The following MIPOL1 variants were observed in gnomAD, a reference collection of about 807,000 sequenced individuals.
MIPOL1 encodes the protein mirror-image polydactyly gene 1 protein.
MIPOL1 carries 57 observed loss-of-function variants against 60.9 expected under a neutral mutation model. That is an observed-to-expected ratio of 0.94 (90% CI 0.76 to 1.17). MIPOL1 has a LOEUF of 1.17. Ranked by LOEUF, MIPOL1 falls within the 50% of genes most tolerant of loss-of-function variation. The pLI, the probability that MIPOL1 is intolerant of heterozygous loss-of-function variation, is 0.00. For missense variants in MIPOL1, 551 were observed against 511.6 expected (o/e 1.08, Z -0.74); for synonymous variants, 179 against 168.8 (o/e 1.06, Z -0.47).
At chr14:37,201,086 G>A (rs985184472) in intron 1 of MIPOL1, among the ~76,000 whole-genome samples, 2 of 151,304 alleles carry the variant, frequency 1.3e-5, no homozygotes, top group Non-Finnish European at 2.9e-5. Flanking sequence ...ATATTTTTTT[G>A]TGGAGATGGG....
Position 37,496,219 on chromosome 14 carries a change from C to A in MIPOL1, c.1032-3689C>A, listed in dbSNP as rs1163933172. 6.4e-3 allele frequency among the ~76,000 whole-genome samples: 920 copies of A among 144,144 alleles called. 4 individuals carry two copies. The highest frequency in any genetic ancestry group is 0.01 in the Non-Finnish European group (684 of 65,496). The allele number at this position is 144,144 out of a possible 152,430, so 94.6% of individuals were successfully genotyped here. On this transcript the variant is annotated intron_variant, in intron 11 of 12. Transcript: ENST00000684589. ...ATACTGAATGGGCAAAAACTGGAAG[C>A]ATTCCCTTTGAAAACTGGCACAAGA...
In MIPOL1 at chr14:37,547,143, C is replaced by T. The variant is rs781300036; in HGVS notation, c.*172C>T. 1.4e-5 allele frequency: 8 copies of T among 579,306 alleles called. No individual in the cohort carries two copies. Among genetic ancestry groups the T allele is most frequent in the East Asian group, 3.0e-5 (1 of 33,770 alleles). 35.9% of individuals were successfully genotyped at this position (579,306 alleles called of 1,614,324 possible). The stretch of plus-strand genomic sequence containing the variant: ...AAATCACAAATGTTTAACCACTTTG[C>T]TGCTGACTTGAGTTATTTATCCAAA... On this transcript the variant is annotated 3_prime_UTR_variant, in exon 13 of 13. Coordinates refer to ENST00000684589, the MANE Select transcript of MIPOL1 (RefSeq NM_001388067.1).
chr14:37,266,369 A>G (rs557877137), intron 3 of MIPOL1, among the ~76,000 whole-genome samples: 2 of 152,330 alleles, frequency 1.3e-5, no homozygotes, highest in East Asian at 1.9e-4. Context: ...GATGGTCACC[A>G]TGCTAGTTTT....
At chr14:37,330,340 T>G (rs1357088349) in intron 9 of MIPOL1, among the ~76,000 whole-genome samples, 1 of 152,144 alleles carries the variant, frequency 6.6e-6, no homozygotes, top group Non-Finnish European at 1.5e-5. Flanking sequence ...CTACTATAAT[T>G]GTAATCTCAA....
At chr14:37,464,154 G>A (rs887819371) in intron 11 of MIPOL1, among the ~76,000 whole-genome samples, 8 of 152,184 alleles carry the variant, frequency 5.3e-5, no homozygotes, top group South Asian at 2.1e-4. Flanking sequence ...TACACTTTTC[G>A]TGGGAATGTA....
At chr14:37,208,663 G>A (rs1260855598) in intron 1 of MIPOL1, among the ~76,000 whole-genome samples, 1 of 152,090 alleles carries the variant, frequency 6.6e-6, no homozygotes, top group Non-Finnish European at 1.5e-5. Context: ...GCACAGTCTT[G>A]GCTCACTGCA....
intron 11 of MIPOL1, among the ~76,000 whole-genome samples, chr14:37,451,298 A>G (rs1158185250): frequency 1.3e-5 from 2 of 152,110 alleles, no homozygotes. Context: ...GTGCTCAACT[A>G]ACATTTGTGG....
chr14:37,347,396 A>C (rs554176980), intron 9 of MIPOL1, among the ~76,000 whole-genome samples: 4 of 152,338 alleles, frequency 2.6e-5, no homozygotes, highest in Admixed American at 6.5e-5. Context: ...ATACGGCTGA[A>C]GATAGAATCA....
At chr14:37,361,287 G>A (rs2207863) in intron 9 of MIPOL1, among the ~76,000 whole-genome samples, 147,515 of 152,274 alleles carry the variant, frequency 0.97, 71,530 homozygotes, top group East Asian at 1. Context: ...AGAAGAATAT[G>A]TATTCTGTTG....
At chr14:37,336,476 G>A (rs1424912180) in intron 9 of MIPOL1, among the ~76,000 whole-genome samples, 2 of 150,482 alleles carry the variant, frequency 1.3e-5, no homozygotes, top group Admixed American at 6.6e-5. Flanking sequence ...CCCAACAAAG[G>A]CATTCTTTAT....
intron 11 of MIPOL1, among the ~76,000 whole-genome samples, chr14:37,484,255 A>G (rs374235167): frequency 4.7e-5 from 7 of 148,918 alleles, no homozygotes; most frequent in African/African-American, 1.7e-4. Flanking sequence ...GTTTTCAGCC[A>G]TTGTTTCTTT....
At chr14:37,233,331 T>C (rs1321868668) in intron 1 of MIPOL1, among the ~76,000 whole-genome samples, 1 of 152,226 alleles carries the variant, frequency 6.6e-6, no homozygotes, top group Admixed American at 6.5e-5. Flanking sequence ...TTAACTTTCA[T>C]ATTTTTTCAG....
At chr14:37,203,450 C>T (rs971037515) in intron 1 of MIPOL1, among the ~76,000 whole-genome samples, 1 of 152,056 alleles carries the variant, frequency 6.6e-6, no homozygotes, top group Non-Finnish European at 1.5e-5. Context: ...GGTTTTTATT[C>T]CAGTTGCTTT....
chr14:37,533,609 A>C (rs1322968228), intron 12 of MIPOL1, among the ~76,000 whole-genome samples: 1 of 152,188 alleles, frequency 6.6e-6, no homozygotes, highest in Non-Finnish European at 1.5e-5. Context: ...CACCAGAATA[A>C]GGCAAAAAGA....
At chr14:37,509,773 G>A (rs2095311665) in intron 12 of MIPOL1, among the ~76,000 whole-genome samples, 2 of 150,890 alleles carry the variant, frequency 1.3e-5, no homozygotes, top group Admixed American at 1.3e-4. Flanking sequence ...GTATGTTTGT[G>A]TGTATATACA....
chr14:37,397,909 GAAAGA>G (rs913954834), intron 10 of MIPOL1, among the ~76,000 whole-genome samples: 3 of 152,128 alleles, frequency 2.0e-5, no homozygotes, highest in African/African-American at 7.2e-5. Flanking sequence ...TCTGAGTTGC[GAAAGA>G]AAAGGGCTTG....
rs148370995 is a variant in MIPOL1 at position 37,285,384 on chromosome 14, T to C, written c.560T>C (p.Leu187Ser). The C allele has an allele frequency of 9.9e-6, 16 of 1,613,882 alleles. No homozygotes were observed. In the African/African-American group the frequency reaches 2.0e-4, roughly 20 times the overall value. ...GAAGCTGTTATGTCTAGACTGCAAT[T>C]AGCCATTGAGGAGAGAGATGAAGCA... ...RDEAVMSRLQ[L>S]AIEERDEAIA... Residue 187 changes from leucine (L) to serine (S), a missense_variant, in exon 7 of 13, where the codon TTA (leucine) becomes TCA (serine). Physicochemically the swap from Leu to Ser is moderately radical, Grantham distance 145 (BLOSUM62 -2). Coordinates refer to ENST00000684589, the MANE Select transcript of MIPOL1 (RefSeq NM_001388067.1).
chr14:37,452,835 G>A (rs1426970246), intron 11 of MIPOL1, among the ~76,000 whole-genome samples: 6 of 152,180 alleles, frequency 3.9e-5, no homozygotes, highest in Non-Finnish European at 8.8e-5. Flanking sequence ...GTGTCTTCCA[G>A]TTAGGAATAA....
intron 10 of MIPOL1, among the ~76,000 whole-genome samples, chr14:37,421,020 A>G (rs1051811033): frequency 1.3e-5 from 2 of 152,172 alleles, no homozygotes; most frequent in Non-Finnish European, 2.9e-5. Flanking sequence ...GAATTAAGAA[A>G]TTGAGTGAAT....
Sources: gnomAD v4.1 joint callset for allele counts (sites outside exome capture counted in the v4.1 genomes callset) on GRCh38, gnomAD v4.1.1 for gene constraint, MANE v1.5 for transcripts, NCBI Gene and HGNC (gene_info 2026-07-23, HGNC 2026-07-21) for gene names.